The following RAPGEF5 variants were observed in gnomAD, a reference collection of about 807,000 sequenced individuals.
RAPGEF5 encodes M-Ras-regulated GEF.
In RAPGEF5, 65 loss-of-function variants were observed where a neutral mutation model predicts 125.2. That is an observed-to-expected ratio of 0.52 (90% CI 0.43 to 0.64). The LOEUF (loss-of-function observed/expected upper bound fraction) is 0.64, where lower values mean the gene tolerates loss of function less well. Ranked by LOEUF, RAPGEF5 falls within the 30% of genes least tolerant of loss-of-function variation. The probability of loss-of-function intolerance (pLI) is 0.00; values close to 1 mark genes in which losing one functional copy is unlikely to be tolerated. For synonymous variants in RAPGEF5, 391 were observed against 385.9 expected (o/e 1.01, Z -0.16); for missense variants, 958 against 1,048.1 (o/e 0.91, Z 1.19).
At chr7:22,293,907 G>C (rs969684318) in intron 5 of RAPGEF5, among the ~76,000 whole-genome samples, 3 of 152,162 alleles carry the variant, frequency 2.0e-5, no homozygotes, top group African/African-American at 7.2e-5. Context: ...AAAAATACCA[G>C]ACTCTCTTTT....
chr7:22,303,795 G>A (rs139001875), intron 5 of RAPGEF5, among the ~76,000 whole-genome samples: 13 of 152,362 alleles, frequency 8.5e-5, no homozygotes, highest in Middle Eastern at 6.8e-3. Context: ...TGCAAGAGCA[G>A]TAAGTTACTG....
At chr7:22,273,514 G>A (rs1036747411) in intron 6 of RAPGEF5, among the ~76,000 whole-genome samples, 4 of 152,298 alleles carry the variant, frequency 2.6e-5, no homozygotes, top group African/African-American at 7.2e-5. Context: ...CACCGCGCCC[G>A]GCCAGGGGTA....
chr7:22,267,785 A>G (rs1317619424), intron 6 of RAPGEF5, among the ~76,000 whole-genome samples: 2 of 152,174 alleles, frequency 1.3e-5, no homozygotes, highest in African/African-American at 4.8e-5. Context: ...TTCCATAATG[A>G]GGAAGCTCTC....
chr7:22,157,003 C>G (rs1783831540), intron 15 of RAPGEF5, 115 bp from the exon 16 acceptor site: 2 of 1,458,916 alleles, frequency 1.4e-6, no homozygotes, highest in Non-Finnish European at 1.8e-6. Context: ...AATATGAAAT[C>G]CACCCATCCA....
chr7:22,334,174 C>T (rs543106529), intron 1 of RAPGEF5, among the ~76,000 whole-genome samples: 2 of 152,340 alleles, frequency 1.3e-5, no homozygotes, highest in East Asian at 3.9e-4. Context: ...CTGAGCATGA[C>T]ATTTGGGTTA....
chr7:22,157,630 A>G (rs1368572514), intron 15 of RAPGEF5, among the ~76,000 whole-genome samples: 2 of 152,244 alleles, frequency 1.3e-5, no homozygotes, highest in Middle Eastern at 3.2e-3. Context: ...CAAAATCAGC[A>G]GAATGTCAAA....
chr7:22,203,084 A>G (rs771557376), intron 9 of RAPGEF5, among the ~76,000 whole-genome samples: 8 of 152,200 alleles, frequency 5.3e-5, no homozygotes, highest in Non-Finnish European at 7.3e-5. Context: ...CAAATAACAT[A>G]AAATTTTTTC....
chr7:22,219,997 G>T lies in RAPGEF5; in HGVS notation c.871-6C>A. The T allele has an allele frequency of 6.2e-7, 1 of 1,613,174 alleles. No homozygotes were observed. The highest frequency in any genetic ancestry group is 8.5e-7 in the Non-Finnish European group (1 of 1,179,462). On this transcript the variant is annotated splice_region_variant and splice_polypyrimidine_tract_variant and intron_variant, in intron 8 of 25. Coordinates refer to ENST00000665637, the MANE Select transcript of RAPGEF5 (RefSeq NM_012294.5). ...AGCTTGCACATCACCCCTGCCTTAA[G>T]AGTTGGAGAAAAAGCGAAGATATAC...
chr7:22,314,700 G>A (rs1405225717), intron 3 of RAPGEF5: 3 of 868,512 alleles, frequency 3.5e-6, no homozygotes, highest in African/African-American at 1.8e-5. Context: ...CATAGTTTTG[G>A]TATCATTTGG....
chr7:22,215,713 A>T (rs1382192933), intron 9 of RAPGEF5, among the ~76,000 whole-genome samples: 3 of 152,220 alleles, frequency 2.0e-5, no homozygotes, highest in Non-Finnish European at 4.4e-5. Context: ...AGGAAGGCAC[A>T]CATATTGCAG....
chr7:22,260,009 G>A (rs773976135), intron 7 of RAPGEF5, among the ~76,000 whole-genome samples: 28 of 152,060 alleles, frequency 1.8e-4, no homozygotes, highest in Non-Finnish European at 2.6e-4. Flanking sequence ...GTTTGAAATC[G>A]GAAGGCAGAG....
intron 1 of RAPGEF5, among the ~76,000 whole-genome samples, chr7:22,348,117 C>G (rs140391699): frequency 6.6e-6 from 1 of 152,176 alleles, no homozygotes; most frequent in African/African-American, 2.4e-5. Flanking sequence ...TCTTGTGGCA[C>G]AGGCTTCAGA....
chr7:22,227,167 A>G (rs965450362), intron 8 of RAPGEF5, among the ~76,000 whole-genome samples: 4 of 152,020 alleles, frequency 2.6e-5, no homozygotes, highest in Non-Finnish European at 5.9e-5. Context: ...GAGAAATTAT[A>G]GCTCAGACTT....
intron 11 of RAPGEF5, among the ~76,000 whole-genome samples, chr7:22,189,205 A>G (rs1282042134): frequency 6.6e-6 from 1 of 152,106 alleles, no homozygotes; most frequent in Admixed American, 6.5e-5. Flanking sequence ...TTTTCTTCAA[A>G]AAGATGAATA....
chr7:22,283,385 C>T (rs942611127), intron 6 of RAPGEF5, among the ~76,000 whole-genome samples: 18 of 152,046 alleles, frequency 1.2e-4, no homozygotes, highest in Non-Finnish European at 1.8e-4. Flanking sequence ...TGTCTTATTC[C>T]ATCACCACCA....
At chr7:22,299,579 C>A (rs1392044380) in intron 5 of RAPGEF5, among the ~76,000 whole-genome samples, 1 of 152,050 alleles carries the variant, frequency 6.6e-6, no homozygotes, top group Non-Finnish European at 1.5e-5. Flanking sequence ...ACTTATGTAG[C>A]TTTTCCTTTA....
chr7:22,290,323 T>G (rs1782899795), intron 6 of RAPGEF5, among the ~76,000 whole-genome samples: 2 of 152,220 alleles, frequency 1.3e-5, no homozygotes, highest in Admixed American at 6.5e-5. Flanking sequence ...ACAAGTTTGG[T>G]GACGTAGGAT....
At chr7:22,316,478 TATATATATA>T (rs1180641912) in intron 2 of RAPGEF5, among the ~76,000 whole-genome samples, 35 of 59,128 alleles carry the variant, frequency 5.9e-4, no homozygotes, top group Non-Finnish European at 6.9e-4. Context: ...TATATATATA[TATATATATA>T]TATTTTTTTT....
intron 24 of RAPGEF5, 141 bp downstream of exon 24, chr7:22,130,896 T>A (rs924098091): frequency 1.6e-6 from 2 of 1,212,504 alleles, no homozygotes; most frequent in African/African-American, 3.1e-5. Flanking sequence ...AATAAGCTCC[T>A]TGAATGAAGC....
Sources: allele counts gnomAD v4.1 joint callset (sites outside exome capture counted in the v4.1 genomes callset), GRCh38; gene constraint gnomAD v4.1.1; transcripts MANE v1.5; gene names NCBI Gene and HGNC (gene_info 2026-07-23, HGNC 2026-07-21).